Variants in EFCAB6 observed in about 807,000 individuals in gnomAD.
The protein encoded by EFCAB6 is EF-hand calcium binding domain 6, also known as EF-hand calcium-binding domain-containing protein 6.
A neutral mutation model predicts 169.8 loss-of-function variants in EFCAB6; 156 were observed. That is an observed-to-expected ratio of 0.92 (90% confidence interval 0.81 to 1.05). EFCAB6 has a LOEUF of 1.05. EFCAB6 is among the 50% of genes least tolerant of loss of function. The pLI, the probability that EFCAB6 is intolerant of heterozygous loss-of-function variation, is 0.00. For missense variants in EFCAB6, 1,800 were observed against 1,829.1 expected (o/e 0.98, Z 0.29); for synonymous variants, 698 against 676.4 (o/e 1.03, Z -0.50).
At chr22:43,738,683 A>G (rs1343749107) in intron 6 of EFCAB6, among the ~76,000 whole-genome samples, 4 of 152,116 alleles carry the variant, frequency 2.6e-5, no homozygotes, top group African/African-American at 9.7e-5. Flanking sequence ...ACACACTTGC[A>G]CATACCCCAT....
intron 3 of EFCAB6, among the ~76,000 whole-genome samples, chr22:43,779,399 C>A (rs935535335): frequency 5.9e-5 from 9 of 152,206 alleles, no homozygotes; most frequent in African/African-American, 2.2e-4. Flanking sequence ...ATGATACCCT[C>A]TTGTAGAGGA....
chr22:43,622,656 A>C (rs1442114742), intron 20 of EFCAB6, among the ~76,000 whole-genome samples: 1 of 152,204 alleles, frequency 6.6e-6, no homozygotes, highest in Non-Finnish European at 1.5e-5. Flanking sequence ...AGCGATGTTG[A>C]TTTTAATCTT....
At chr22:43,703,013 G>A (rs771657060) in intron 10 of EFCAB6, among the ~76,000 whole-genome samples, 4 of 152,278 alleles carry the variant, frequency 2.6e-5, no homozygotes, top group Non-Finnish European at 5.9e-5. Flanking sequence ...GAAGGCAAAC[G>A]TGAACTGTGC....
In EFCAB6 at chr22:43,528,876, A is replaced by T. The variant is rs746425656; in HGVS notation, c.4483T>A (p.Phe1495Ile). The T allele has an allele frequency of 1.3e-5, 21 of 1,611,206 alleles. No individual in the cohort carries two copies. Among genetic ancestry groups the T allele is most frequent in the East Asian group, 8.9e-5 (4 of 44,816 alleles). ...GTCTACTGGAGGAATGCCCGGAGGA[A>T]GTCGTTGTAGGAGATTTTTGAAGAC... ...TLSSKISYNDFLRAFLQ is the reference protein window; with the variant it reads ...TLSSKISYNDILRAFLQ Residue 1495 changes from phenylalanine (F) to isoleucine (I), a missense_variant, in exon 32 of 32, where the codon TTC (phenylalanine) becomes ATC (isoleucine). Physicochemically the swap from Phe to Ile is conservative, Grantham distance 21. Coordinates refer to ENST00000262726, the MANE Select transcript of EFCAB6 (RefSeq NM_022785.4).
At chr22:43,700,101 A>G (rs2058712713) in intron 10 of EFCAB6, among the ~76,000 whole-genome samples, 1 of 152,242 alleles carries the variant, frequency 6.6e-6, no homozygotes, top group South Asian at 2.1e-4. Context: ...ACACCATGTT[A>G]GTCAAAGGGT....
chr22:43,676,229 A>C (rs1339990483), intron 13 of EFCAB6, among the ~76,000 whole-genome samples: 1 of 152,006 alleles, frequency 6.6e-6, no homozygotes, highest in Non-Finnish European at 1.5e-5. Context: ...CATCCTGGCT[A>C]ACATGGTGAA....
At chr22:43,784,554 TATACACATATATATGTGTAC>T (rs2061960203) in intron 2 of EFCAB6, among the ~76,000 whole-genome samples, 3 of 97,154 alleles carry the variant, frequency 3.1e-5, no homozygotes, top group Admixed American at 1.1e-4. Flanking sequence ...TATATGTATA[TATACACATATATATGTGTAC>T]ATATACACAT....
At chr22:43,746,872 C>A (rs957938242) in intron 6 of EFCAB6, among the ~76,000 whole-genome samples, 4 of 152,224 alleles carry the variant, frequency 2.6e-5, no homozygotes, top group African/African-American at 9.7e-5. Context: ...TGCCACGGGC[C>A]AAGAATCTTG....
At chr22:43,623,130 AATGAT>A (rs761132335) in intron 20 of EFCAB6, among the ~76,000 whole-genome samples, 28 of 152,216 alleles carry the variant, frequency 1.8e-4, no homozygotes, top group Non-Finnish European at 4.0e-4. Context: ...TTGATGACTG[AATGAT>A]ATATTTCTAA....
At chr22:43,544,858 C>T (rs991690010) in intron 27 of EFCAB6, among the ~76,000 whole-genome samples, 9 of 152,098 alleles carry the variant, frequency 5.9e-5, no homozygotes, top group Non-Finnish European at 1.3e-4. Context: ...TGCAGTGGGT[C>T]ACACCTGTAA....
chr22:43,699,962 G>A (rs192072593), intron 10 of EFCAB6, among the ~76,000 whole-genome samples: 9 of 152,282 alleles, frequency 5.9e-5, no homozygotes, highest in African/African-American at 1.9e-4. Flanking sequence ...CGGCGAATAC[G>A]CAAGTTACAA....
chr22:43,558,215 G>T (rs1447865674), intron 26 of EFCAB6, among the ~76,000 whole-genome samples: 1 of 152,186 alleles, frequency 6.6e-6, no homozygotes, highest in Non-Finnish European at 1.5e-5. Flanking sequence ...TGTATAGGTA[G>T]AAAATCTCAA....
At chr22:43,608,400 A>C in intron 22 of EFCAB6, 82 bp downstream of exon 22, 2 of 1,203,342 alleles carry the variant, frequency 1.7e-6, no homozygotes, top group Non-Finnish European at 2.4e-6. Flanking sequence ...ACCCTGATGT[A>C]GGAAAGATTA....
At chr22:43,625,910 C>A (rs934522294) in intron 20 of EFCAB6, among the ~76,000 whole-genome samples, 2 of 152,232 alleles carry the variant, frequency 1.3e-5, no homozygotes, top group Non-Finnish European at 2.9e-5. Context: ...TCCGCCTGCC[C>A]CTGCAGAGGA....
In EFCAB6 at chr22:43,795,010, C is replaced by T. The variant is rs1184470380; in HGVS notation, c.-7-12685G>A. On this transcript the variant is annotated intron_variant, in intron 2 of 31. Coordinates refer to ENST00000262726, the MANE Select transcript of EFCAB6 (RefSeq NM_022785.4). The surrounding 1 kb of genome is among the most constrained non-coding windows in gnomAD (Gnocchi z 4.2). Reference sequence around the variant, plus strand: ...GGCCACGCATTTGGGACACAGTCTCCCTCCACCAAGGAGCTCCCCAGGCCC... The same window carrying T: ...GGCCACGCATTTGGGACACAGTCTCTCTCCACCAAGGAGCTCCCCAGGCCC... Among the ~76,000 whole-genome samples, 1 of 152,182 alleles carries T rather than the reference C, an allele frequency of 6.6e-6. No individual in the cohort carries two copies. The highest frequency in any genetic ancestry group is 6.5e-5 in the Admixed American group (1 of 15,274).
intron 2 of EFCAB6, among the ~76,000 whole-genome samples, chr22:43,792,514 G>A (rs2062338326): frequency 6.6e-6 from 1 of 152,184 alleles, no homozygotes; most frequent in African/African-American, 2.4e-5. Context: ...AAGAAACTCA[G>A]CCTGATGAGG....
At chr22:43,741,355 T>A (rs1227081817) in intron 6 of EFCAB6, among the ~76,000 whole-genome samples, 1 of 152,158 alleles carries the variant, frequency 6.6e-6, no homozygotes, top group Non-Finnish European at 1.5e-5. Context: ...CTGCCTCAGT[T>A]ATGGGGCCTC....
chr22:43,765,603 T>A (rs1262501169), intron 4 of EFCAB6, among the ~76,000 whole-genome samples: 1 of 152,168 alleles, frequency 6.6e-6, no homozygotes, highest in East Asian at 1.9e-4. Context: ...AATAGCACCC[T>A]AGAATGCCAG....
At chr22:43,556,691 G>A (rs1358697824) in intron 26 of EFCAB6, among the ~76,000 whole-genome samples, 1 of 152,126 alleles carries the variant, frequency 6.6e-6, no homozygotes, top group Non-Finnish European at 1.5e-5. Context: ...CTTACTTTCT[G>A]AAACTGTGCC....
Sources: allele counts gnomAD v4.1 joint callset (sites outside exome capture counted in the v4.1 genomes callset), GRCh38; gene constraint gnomAD v4.1.1; non-coding constraint Gnocchi (gnomAD v3.1); transcripts MANE v1.5; gene names NCBI Gene and HGNC (gene_info 2026-07-23, HGNC 2026-07-21).